The following NFIA variants were observed in gnomAD, a reference collection of about 807,000 sequenced individuals.
NFIA encodes nuclear factor I A, also known as nuclear factor 1 A-type.
A neutral mutation model predicts 62.8 loss-of-function variants in NFIA; 8 were observed. The observed-to-expected ratio is 0.13, with a 90% CI of 0.07 to 0.23. The LOEUF (loss-of-function observed/expected upper bound fraction) is 0.23, where lower values mean the gene tolerates loss of function less well. Ranked by LOEUF, NFIA falls within the 10% of genes least tolerant of loss-of-function variation. The probability of loss-of-function intolerance (pLI) is 1.00; values close to 1 mark genes in which losing one functional copy is unlikely to be tolerated. For missense variants in NFIA, 410 were observed against 642.1 expected (o/e 0.64, Z 3.91); for synonymous variants, 235 against 238.1 (o/e 0.99, Z 0.12).
At chr1:61,099,044 A>G (rs1646464972) in intron 2 of NFIA, among the ~76,000 whole-genome samples, 1 of 152,238 alleles carries the variant, frequency 6.6e-6, no homozygotes, top group African/African-American at 2.4e-5. Context: ...AGAAAAGACG[A>G]CAAACATGCA....
intron 5 of NFIA, among the ~76,000 whole-genome samples, chr1:61,354,251 C>G (rs1662708152): frequency 6.6e-6 from 1 of 152,052 alleles, no homozygotes; most frequent in African/African-American, 2.4e-5. Flanking sequence ...AGTTAATAAC[C>G]CGGTAATATG....
At chr1:61,288,179 G>T (rs796388722) in intron 3 of NFIA, among the ~76,000 whole-genome samples, 6 of 152,232 alleles carry the variant, frequency 3.9e-5, no homozygotes, top group African/African-American at 1.4e-4. Flanking sequence ...CATACATCCA[G>T]TTACTGGCAG....
chr1:61,243,671 G>T (rs1048158265), intron 2 of NFIA, among the ~76,000 whole-genome samples: 1 of 152,118 alleles, frequency 6.6e-6, no homozygotes, highest in African/African-American at 2.4e-5. Flanking sequence ...CAAGTTATGA[G>T]TATGTAAGCA....
chr1:61,278,941 G>A (rs1657977727), intron 3 of NFIA, among the ~76,000 whole-genome samples: 1 of 152,152 alleles, frequency 6.6e-6, no homozygotes, highest in African/African-American at 2.4e-5. Flanking sequence ...CCTGTTTGTT[G>A]AAGAGTTAAA....
chr1:61,166,373 A>G (rs953886230), intron 2 of NFIA, among the ~76,000 whole-genome samples: 7 of 152,300 alleles, frequency 4.6e-5, no homozygotes, highest in African/African-American at 1.7e-4. Flanking sequence ...TGTATTCATT[A>G]CATTTTGGAG....
chr1:61,431,476 T>A (rs4915741), intron 10 of NFIA, among the ~76,000 whole-genome samples: 68,642 of 152,138 alleles, frequency 0.45, 16,372 homozygotes, highest in South Asian at 0.6. Context: ...GCATCAACAG[T>A]ATCATGGTAC....
At position 61,421,872 on chromosome 1, in the gene NFIA, A is replaced by T. The variant is rs149310553; in HGVS notation, c.1421-4593A>T. 3.0e-3 allele frequency among the ~76,000 whole-genome samples: 462 copies of T among 152,340 alleles called. 2 individuals carry two copies. Among genetic ancestry groups the T allele is most frequent in the African/African-American group, 0.011 (447 of 41,570 alleles). On this transcript the variant is annotated intron_variant, in intron 9 of 10. Transcript: ENST00000403491. The stretch of plus-strand genomic sequence containing the variant: ...ATTGCTAAATTTGAACTAAACCTTG[A>T]AACTAACTGCCTGCTTTCAAAACAA...
intron 2 of NFIA, among the ~76,000 whole-genome samples, chr1:61,219,657 TGAGCCGAGA>T (rs1653883286): frequency 6.9e-6 from 1 of 144,792 alleles, no homozygotes; most frequent in Admixed American, 7.2e-5. Context: ...GAGCTTGCAG[TGAGCCGAGA>T]TCGCGCCATT....
At chr1:61,184,809 A>G (rs1003392054) in intron 2 of NFIA, among the ~76,000 whole-genome samples, 3 of 152,352 alleles carry the variant, frequency 2.0e-5, no homozygotes, top group Admixed American at 6.5e-5. Flanking sequence ...AAATGGTAAA[A>G]TGCAACCTGG....
At position 61,285,879 on chromosome 1, in the gene NFIA, G is replaced by A. The variant is rs188544611; in HGVS notation, c.625+8294G>A. Among the ~76,000 whole-genome samples, 350 of 152,272 alleles carry A rather than the reference G, an allele frequency of 2.3e-3. 1 individual carries two copies. Among genetic ancestry groups the A allele is most frequent in the Middle Eastern group, 0.02 (6 of 294 alleles). ...AATAGCTTTTCAACAATCTTTCCACGAAGGAAAGTCAGTGTTTTCTTAGAT... is the reference window on the plus strand; with the variant it reads ...AATAGCTTTTCAACAATCTTTCCACAAAGGAAAGTCAGTGTTTTCTTAGAT... On this transcript the variant is annotated intron_variant, in intron 3 of 10. Transcript: ENST00000403491.
chr1:61,242,814 T>C (rs1304155376), intron 2 of NFIA, among the ~76,000 whole-genome samples: 5 of 152,174 alleles, frequency 3.3e-5, no homozygotes, highest in African/African-American at 1.2e-4. Flanking sequence ...ATGAAGGTAC[T>C]GGCGTTTTGT....
chr1:61,209,549 G>T (rs1452990268), intron 2 of NFIA, among the ~76,000 whole-genome samples: 1 of 151,952 alleles, frequency 6.6e-6, no homozygotes, highest in African/African-American at 2.4e-5. Context: ...AGGCACAGTG[G>T]CTCATACCTG....
At chr1:61,272,477 G>GAT (rs1657571565) in intron 2 of NFIA, among the ~76,000 whole-genome samples, 2 of 152,056 alleles carry the variant, frequency 1.3e-5, no homozygotes, top group African/African-American at 4.8e-5. Flanking sequence ...TAAACTTATG[G>GAT]TACTGGCTGA....
chr1:61,317,056 T>C (rs1660402752), intron 3 of NFIA, among the ~76,000 whole-genome samples: 1 of 152,170 alleles, frequency 6.6e-6, no homozygotes, highest in South Asian at 2.1e-4. Flanking sequence ...AAAAAAATAC[T>C]GAAAAATAAA....
At chr1:61,452,703 G>A (rs1052405403) in intron 10 of NFIA, among the ~76,000 whole-genome samples, 1 of 152,132 alleles carries the variant, frequency 6.6e-6, no homozygotes, top group African/African-American at 2.4e-5. Context: ...TTAGACAAAA[G>A]CCCAAGAGTT....
intron 2 of NFIA, among the ~76,000 whole-genome samples, chr1:61,110,062 G>A (rs1646669133): frequency 6.6e-6 from 1 of 151,420 alleles, no homozygotes; most frequent in South Asian, 2.1e-4. Context: ...AGAGAGATAA[G>A]GGGGGCAGAG....
At chr1:61,265,189 TA>T (rs1331776944) in intron 2 of NFIA, among the ~76,000 whole-genome samples, 2 of 152,218 alleles carry the variant, frequency 1.3e-5, no homozygotes. Flanking sequence ...CACTGTTCCA[TA>T]GTATAAAGAT....
At chr1:61,276,729 A>G (rs1349078503) in intron 2 of NFIA, among the ~76,000 whole-genome samples, 1 of 152,124 alleles carries the variant, frequency 6.6e-6, no homozygotes, top group Non-Finnish European at 1.5e-5. Context: ...TAATTTAAAA[A>G]TTAAGTTACT....
chr1:61,444,085 A>G (rs527819012), intron 10 of NFIA, among the ~76,000 whole-genome samples: 1 of 152,352 alleles, frequency 6.6e-6, no homozygotes, highest in Non-Finnish European at 1.5e-5. Flanking sequence ...TTCAAGGCAG[A>G]AAAACCATTT....
Sources: allele counts gnomAD v4.1 joint callset (sites outside exome capture counted in the v4.1 genomes callset), GRCh38; gene constraint gnomAD v4.1.1; transcripts MANE v1.5; gene names NCBI Gene and HGNC (gene_info 2026-07-23, HGNC 2026-07-21).